The following ZNF69 variants were observed in gnomAD, a reference collection of about 807,000 sequenced individuals.
ZNF69 encodes zinc finger protein 69.
A neutral mutation model predicts 50.9 loss-of-function variants in ZNF69; 47 were observed. The observed-to-expected ratio is 0.92, with a 90% confidence interval of 0.73 to 1.18. ZNF69 has a LOEUF of 1.18. ZNF69 is among the 50% of genes most tolerant of loss of function. The probability of loss-of-function intolerance (pLI) is 0.00; values close to 1 mark genes in which losing one functional copy is unlikely to be tolerated. For missense variants in ZNF69, 717 were observed against 675.1 expected (o/e 1.06, Z -0.69); for synonymous variants, 216 against 223.1 (o/e 0.97, Z 0.29).
At chr19:11,912,774 A>G (rs1364284361) in intron 4 of ZNF69, among the ~76,000 whole-genome samples, 1 of 152,206 alleles carries the variant, frequency 6.6e-6, no homozygotes, top group Non-Finnish European at 1.5e-5. Context: ...CTGGAGAGAA[A>G]CCCTATGAAT....
At chr19:11,909,271 T>G (rs901256616), downstream of ZNF69, among the ~76,000 whole-genome samples, 4 of 152,130 alleles carry the variant, frequency 2.6e-5, no homozygotes, top group Non-Finnish European at 4.4e-5. Flanking sequence ...CATTCCTTCT[T>G]AAACTATTCC....
chr19:11,956,568 AGCTCACACCAGGCGCAGTG>A, the ZNF69 span: 1 of 398,516 alleles, frequency 2.5e-6, no homozygotes, highest in East Asian at 3.6e-5. Context: ...GGTCATTGAA[AGCTCACACCAGGCGCAGTG>A]GCTCACACCT....
intron 4 of ZNF69, among the ~76,000 whole-genome samples, chr19:11,911,814 T>TA (rs1568283188): frequency 3.3e-5 from 5 of 151,740 alleles, no homozygotes; most frequent in Non-Finnish European, 5.9e-5. Flanking sequence ...GAACTTAAAG[T>TA]ATAATAATAA....
the ZNF69 span, among the ~76,000 whole-genome samples, chr19:11,962,930 A>C: frequency 6.6e-6 from 1 of 152,098 alleles, no homozygotes; most frequent in Non-Finnish European, 1.5e-5. Context: ...CATTGACTGC[A>C]AGGAGGTCAT....
chr19:11,976,623 T>G, the ZNF69 span, among the ~76,000 whole-genome samples: 1 of 150,910 alleles, frequency 6.6e-6, no homozygotes, highest in African/African-American at 2.4e-5. Flanking sequence ...TTTCAGCACT[T>G]TGGGAGGCCG....
chr19:11,898,591 A>G (rs1423874103), intron 1 of ZNF69, among the ~76,000 whole-genome samples: 1 of 152,024 alleles, frequency 6.6e-6, no homozygotes, highest in Non-Finnish European at 1.5e-5. Flanking sequence ...GGGTTTCACC[A>G]TATTGACCAG....
the ZNF69 span, chr19:11,947,322 A>G: frequency 1.9e-6 from 3 of 1,613,424 alleles, no homozygotes; most frequent in Non-Finnish European, 1.7e-6. Flanking sequence ...GGATGACAAT[A>G]TTCCTTCCGT....
the ZNF69 span, among the ~76,000 whole-genome samples, chr19:11,963,088 A>AGAGAGAGAGAGAGAGAGAGTGTGTGTGT: frequency 1.1e-4 from 15 of 138,314 alleles, no homozygotes; most frequent in African/African-American, 4.5e-4. Context: ...AGAGAGAGAG[A>AGAGAGAGAGAGAGAGAGAGTGTGTGTGT]GTGTGTGTGT....
At chr19:11,948,518 A>C in the ZNF69 span, 22 of 1,612,336 alleles carry the variant, frequency 1.4e-5, no homozygotes, top group Non-Finnish European at 1.9e-5. Context: ...AAGCCATATA[A>C]GTGTCAACAA....
chr19:11,918,030 C>T (rs1459872937), downstream of ZNF69, among the ~76,000 whole-genome samples: 2 of 152,104 alleles, frequency 1.3e-5, no homozygotes, highest in East Asian at 3.9e-4. Context: ...AGGTGATCCA[C>T]CCGCCTCGGC....
chr19:11,915,685 T>C (rs537591121), downstream of ZNF69, among the ~76,000 whole-genome samples: 4 of 151,968 alleles, frequency 2.6e-5, no homozygotes, highest in East Asian at 7.8e-4. Context: ...GGGTGGATCA[T>C]CTGAGGTTGG....
chr19:11,911,369 C>T (rs181993610), downstream of ZNF69, among the ~76,000 whole-genome samples: 1 of 152,170 alleles, frequency 6.6e-6, no homozygotes, highest in Admixed American at 6.5e-5. Flanking sequence ...AAGACACATG[C>T]ACACGTATGT....
At chr19:11,925,361 T>G in the ZNF69 span, 1 of 1,571,014 alleles carries the variant, frequency 6.4e-7, no homozygotes, top group Non-Finnish European at 8.7e-7. Context: ...CGGGCCTCCC[T>G]GTGGGCGACT....
chr19:11,896,423 G>C lies in ZNF69; in HGVS notation c.64-7150G>C, dbSNP rs571621298. On this transcript the variant is annotated intron_variant, in intron 1 of 3. Coordinates refer to ENST00000429654, the MANE Select transcript of ZNF69 (RefSeq NM_001364730.1). ...AATTACCATAGACTGGGTGACTTAA[G>C]GGATAAACATTTATTTCTGGCAGTT... 8.6e-5 allele frequency among the ~76,000 whole-genome samples: 13 copies of C among 152,012 alleles called. 3 individuals are homozygous for C. The highest frequency in any genetic ancestry group is 3.1e-4 in the African/African-American group (13 of 41,466).
At chr19:11,943,817 G>A in the ZNF69 span, among the ~76,000 whole-genome samples, 1 of 152,206 alleles carries the variant, frequency 6.6e-6, no homozygotes, top group Non-Finnish European at 1.5e-5. Flanking sequence ...AAATTTTAAG[G>A]AGAATAAGTC....
At chr19:11,924,976 C>T in the ZNF69 span, 6 of 463,276 alleles carry the variant, frequency 1.3e-5, no homozygotes, top group Non-Finnish European at 2.4e-5. Flanking sequence ...CAGTCTGGCT[C>T]TGCGGGGCCT....
the ZNF69 span, chr19:11,940,066 G>T: frequency 6.6e-6 from 1 of 151,718 alleles, no homozygotes; most frequent in East Asian, 1.9e-4. Context: ...TGAGTAGCTG[G>T]GATTACAGGC....
the ZNF69 span, among the ~76,000 whole-genome samples, chr19:11,937,066 T>C: frequency 1.3e-5 from 2 of 152,220 alleles, no homozygotes; most frequent in Non-Finnish European, 2.9e-5. Flanking sequence ...TTGGTCCCAG[T>C]ACTGACAGTT....
chr19:11,892,390 C>A (rs1055763547), intron 1 of ZNF69, among the ~76,000 whole-genome samples: 1 of 151,976 alleles, frequency 6.6e-6, no homozygotes, highest in Admixed American at 6.6e-5. Flanking sequence ...AACATTCCAG[C>A]TGAAGACAAT....
Sources: allele counts gnomAD v4.1 joint callset (sites outside exome capture counted in the v4.1 genomes callset), GRCh38; gene constraint gnomAD v4.1.1; transcripts MANE v1.5; gene names NCBI Gene and HGNC (gene_info 2026-07-23, HGNC 2026-07-21).